SLC9A9: variants seen among roughly 807,000 people sequenced by gnomAD.
SLC9A9 encodes sodium/hydrogen exchanger 9.
In SLC9A9, 62 loss-of-function variants were observed where a neutral mutation model predicts 77.8. The observed-to-expected ratio is 0.80, with a 90% CI of 0.65 to 0.98. The LOEUF (loss-of-function observed/expected upper bound fraction) is 0.98. Ranked by LOEUF, SLC9A9 falls within the 50% of genes least tolerant of loss-of-function variation. The pLI, the probability that SLC9A9 is intolerant of heterozygous loss-of-function variation, is 0.00. For missense variants in SLC9A9, 775 were observed against 774.9 expected (o/e 1.00, Z 0.00); for synonymous variants, 320 against 283.5 (o/e 1.13, Z -1.29).
intron 9 of SLC9A9, chr3:143,517,848 C>T (rs568962874): frequency 6.3e-7 from 1 of 1,599,414 alleles, no homozygotes; most frequent in Non-Finnish European, 8.5e-7. Context: ...TGGAGTTCAC[C>T]ATCGTTTAGG....
Position 143,834,417 on chromosome 3 carries a change from A to T in SLC9A9, c.176-2196T>A, listed in dbSNP as rs370838871. Among the ~76,000 whole-genome samples, 154 of 152,238 alleles carry T rather than the reference A, an allele frequency of 1.0e-3. 1 individual carries two copies. Among genetic ancestry groups the T allele is most frequent in the Middle Eastern group, 3.4e-3 (1 of 294 alleles). ...ACACACGTTGCTTAGAAAGGATTTA[A>T]TTCCTAAAAGTTATTCAGCAAGTAC... On this transcript the variant is annotated intron_variant, in intron 1 of 15. Coordinates refer to ENST00000316549, the MANE Select transcript of SLC9A9 (RefSeq NM_173653.4).
At chr3:143,760,813 A>C (rs1187430860) in intron 4 of SLC9A9, among the ~76,000 whole-genome samples, 1 of 152,160 alleles carries the variant, frequency 6.6e-6, no homozygotes, top group South Asian at 2.1e-4. Flanking sequence ...GCTACCAATG[A>C]CTTTCTTCAC....
Position 143,574,135 on chromosome 3 carries a change from A to G in SLC9A9, c.953T>C (p.Leu318Pro). 1 of 1,613,658 alleles carries G rather than the reference A, an allele frequency of 6.2e-7. No homozygotes were observed. ...AGACAGGAAGGCACTCCAAGAAAGCAGGAAAAACAGGCCGGTTTCCAGCAT... is the reference window on the plus strand; with the variant it reads ...AGACAGGAAGGCACTCCAAGAAAGCGGGAAAAACAGGCCGGTTTCCAGCAT... ...FPMLETGLFF[L>P]LSWSAFLSAE... The change falls in exon 8 of 16, where the codon CTG (leucine) becomes CCG (proline). Residue 318 changes from leucine (L) to proline (P), a missense_variant. Transcript: ENST00000316549.
chr3:143,556,059 A>G (rs1255055683), intron 8 of SLC9A9, among the ~76,000 whole-genome samples: 1 of 152,250 alleles, frequency 6.6e-6, no homozygotes, highest in Admixed American at 6.5e-5. Context: ...ATCTAAATAC[A>G]TCTATTATCT....
At chr3:143,623,583 C>G (rs911933108) in intron 6 of SLC9A9, among the ~76,000 whole-genome samples, 1 of 151,960 alleles carries the variant, frequency 6.6e-6, no homozygotes, top group Non-Finnish European at 1.5e-5. Context: ...AAAGACACAA[C>G]ATACCAGAAT....
intron 14 of SLC9A9, among the ~76,000 whole-genome samples, chr3:143,303,351 TG>T (rs1178599220): frequency 2.0e-5 from 3 of 150,862 alleles, no homozygotes; most frequent in Non-Finnish European, 4.4e-5. Context: ...CTGTTCCAGG[TG>T]GGTTTTTTTC....
intron 8 of SLC9A9, among the ~76,000 whole-genome samples, chr3:143,566,437 CAG>C (rs1489601257): frequency 2.0e-5 from 3 of 152,072 alleles, no homozygotes; most frequent in Non-Finnish European, 4.4e-5. Context: ...ATGAATAGGC[CAG>C]AGTGTTACTT....
At chr3:143,436,031 C>A (rs2034616140) in intron 12 of SLC9A9, among the ~76,000 whole-genome samples, 1 of 152,196 alleles carries the variant, frequency 6.6e-6, no homozygotes, top group Non-Finnish European at 1.5e-5. Context: ...ATGGGCCCAA[C>A]CCATGTTTCT....
chr3:143,584,078 G>C (rs977678244), intron 6 of SLC9A9, among the ~76,000 whole-genome samples: 2 of 152,156 alleles, frequency 1.3e-5, no homozygotes, highest in African/African-American at 4.8e-5. Context: ...TAATAGGTAT[G>C]AAAAATATTA....
At chr3:143,383,432 CCA>C (rs1371969064) in intron 12 of SLC9A9, among the ~76,000 whole-genome samples, 7 of 144,164 alleles carry the variant, frequency 4.9e-5, no homozygotes, top group African/African-American at 1.8e-4. Context: ...CCCCAAATGC[CCA>C]CAGCTATTCC....
chr3:143,828,274 CTG>C lies in SLC9A9; in HGVS notation c.378+3743_378+3744del, dbSNP rs1326794245. Among the ~76,000 whole-genome samples the C allele has an allele frequency of 7.9e-5, 12 of 152,240 alleles. No homozygotes were observed. In the East Asian group the frequency reaches 2.3e-3, roughly 29 times the overall value. ...CTCCAAGAATGATAATTTCTAAATA[CTG>C]TATGTTTCTCTAGCCATATGTGCTC... is the stretch of plus-strand genomic sequence containing the variant. On this transcript the variant is annotated intron_variant, in intron 2 of 15. Transcript: ENST00000316549.
At chr3:143,722,790 C>G (rs1350512123) in intron 4 of SLC9A9, among the ~76,000 whole-genome samples, 1 of 152,108 alleles carries the variant, frequency 6.6e-6, no homozygotes, top group African/African-American at 2.4e-5. Context: ...AGATGATTTT[C>G]TATTTATTTA....
At chr3:143,425,917 C>G (rs772899083) in intron 12 of SLC9A9, among the ~76,000 whole-genome samples, 50 of 151,926 alleles carry the variant, frequency 3.3e-4, no homozygotes, top group African/African-American at 1.2e-3. Context: ...TGACCTTGAC[C>G]CAGGGATCAA....
chr3:143,509,330 T>C (rs1407107561), intron 9 of SLC9A9, among the ~76,000 whole-genome samples: 1 of 152,230 alleles, frequency 6.6e-6, no homozygotes, highest in Non-Finnish European at 1.5e-5. Context: ...TTGCTTAACT[T>C]GTTCCTTTGT....
Position 143,397,715 on chromosome 3 carries a change from A to T in SLC9A9, c.1470-15601T>A, listed in dbSNP as rs114579899. Among the ~76,000 whole-genome samples the T allele has an allele frequency of 2.6e-3, 396 of 152,182 alleles. 2 individuals carry two copies. The highest frequency in any genetic ancestry group is 9.1e-3 in the African/African-American group (379 of 41,510). On this transcript the variant is annotated intron_variant, in intron 12 of 15. Transcript: ENST00000316549. The stretch of plus-strand genomic sequence containing the variant: ...CACCATGGGTCAGCAGTGAGATCTC[A>T]GGGTGAGTCTCCACATTGCTGCTCT...
At chr3:143,326,089 T>C (rs138943876) in intron 14 of SLC9A9, among the ~76,000 whole-genome samples, 4,298 of 152,254 alleles carry the variant, frequency 0.028, 77 homozygotes, top group South Asian at 0.041. Flanking sequence ...TTATTAGCAA[T>C]AATGGAAAGA....
intron 14 of SLC9A9, among the ~76,000 whole-genome samples, chr3:143,288,930 C>G (rs898607377): frequency 2.0e-5 from 3 of 152,198 alleles, no homozygotes; most frequent in South Asian, 2.1e-4. Context: ...CCCATTGCCC[C>G]CTGCTTCCAG....
chr3:143,776,070 C>A (rs2007679495), intron 4 of SLC9A9, among the ~76,000 whole-genome samples: 1 of 152,118 alleles, frequency 6.6e-6, no homozygotes, highest in Non-Finnish European at 1.5e-5. Flanking sequence ...TTATCTTTAT[C>A]ATGTTCTAAA....
intron 14 of SLC9A9, among the ~76,000 whole-genome samples, chr3:143,279,375 T>C (rs1374566199): frequency 6.6e-6 from 1 of 152,080 alleles, no homozygotes; most frequent in Non-Finnish European, 1.5e-5. Context: ...ACAAGTGAGG[T>C]GTTTACTTAG....
Sources: gnomAD v4.1 joint callset for allele counts (sites outside exome capture counted in the v4.1 genomes callset) on GRCh38, gnomAD v4.1.1 for gene constraint, MANE v1.5 for transcripts, NCBI Gene and HGNC (gene_info 2026-07-23, HGNC 2026-07-21) for gene names.